Variants in DLG2 observed in about 807,000 individuals in gnomAD.
DLG2 encodes discs large MAGUK scaffold protein 2, also known as disks large homolog 2.
Under a neutral mutation model 132.5 loss-of-function variants are expected in DLG2, and 45 were observed. The observed-to-expected ratio is 0.34, with a 90% CI of 0.27 to 0.44. The LOEUF (loss-of-function observed/expected upper bound fraction) is 0.44. Among genes scored for constraint, DLG2 ranks in the 20% least tolerant of loss-of-function variants. DLG2 has a pLI of 1.00. For synonymous variants in DLG2, 424 were observed against 419.6 expected (o/e 1.01, Z -0.13); for missense variants, 1,045 against 1,196.9 (o/e 0.87, Z 1.87).
At chr11:84,343,805 T>C (rs1458283763) in intron 7 of DLG2, among the ~76,000 whole-genome samples, 3 of 152,212 alleles carry the variant, frequency 2.0e-5, no homozygotes, top group Non-Finnish European at 1.5e-5. Context: ...TTATTTAAAA[T>C]AGCCTAAAAT....
At chr11:85,148,960 T>C (rs911196141) in intron 5 of DLG2, among the ~76,000 whole-genome samples, 1 of 152,248 alleles carries the variant, frequency 6.6e-6, no homozygotes, top group Non-Finnish European at 1.5e-5. Flanking sequence ...TTCAGTTTTC[T>C]GCCTATAGCT....
intron 21 of DLG2, 148 bp from the exon 22 acceptor site, chr11:83,484,376 G>A (rs755284203): frequency 3.1e-5 from 19 of 606,638 alleles, no homozygotes; most frequent in Non-Finnish European, 5.1e-5. Context: ...AGTTCTAAAG[G>A]TCGATTTTAT....
At chr11:85,369,970 T>G (rs1030569734) in intron 3 of DLG2, among the ~76,000 whole-genome samples, 8 of 152,220 alleles carry the variant, frequency 5.3e-5, no homozygotes, top group Admixed American at 5.2e-4. Context: ...TGGTAAAATG[T>G]AGATGTCATT....
At chr11:83,822,504 G>T (rs1460001428) in intron 17 of DLG2, among the ~76,000 whole-genome samples, 2 of 152,154 alleles carry the variant, frequency 1.3e-5, no homozygotes, top group East Asian at 1.9e-4. Context: ...AGAGAAGCTG[G>T]AGGGGGCAGC....
At chr11:85,338,718 T>G (rs2082288628) in intron 3 of DLG2, among the ~76,000 whole-genome samples, 1 of 147,862 alleles carries the variant, frequency 6.8e-6, no homozygotes, top group South Asian at 2.2e-4. Flanking sequence ...TTTTTTTTTT[T>G]TTTTTGAGAC....
At chr11:83,974,312 T>A (rs76391890) in intron 12 of DLG2, among the ~76,000 whole-genome samples, 1 of 152,188 alleles carries the variant, frequency 6.6e-6, no homozygotes, top group East Asian at 1.9e-4. Context: ...TCATCACAAC[T>A]AATACTCATT....
At chr11:83,778,673 G>T (rs2094686447) in intron 18 of DLG2, among the ~76,000 whole-genome samples, 1 of 152,016 alleles carries the variant, frequency 6.6e-6, no homozygotes, top group East Asian at 1.9e-4. Flanking sequence ...TCTAATTTAG[G>T]AGTTAGGAAG....
chr11:84,393,720 T>C (rs143421782), intron 7 of DLG2, among the ~76,000 whole-genome samples: 2,331 of 152,304 alleles, frequency 0.015, 39 homozygotes, highest in South Asian at 0.065. Context: ...GATGACTTTT[T>C]AAAATTATAT....
chr11:84,946,986 A>G (rs781296875), intron 6 of DLG2, among the ~76,000 whole-genome samples: 1 of 152,108 alleles, frequency 6.6e-6, no homozygotes, highest in Non-Finnish European at 1.5e-5. Context: ...GCTTTCCATT[A>G]TTATAGGACA....
At chr11:84,720,299 G>C in intron 6 of DLG2, 1 of 985,452 alleles carries the variant, frequency 1.0e-6, no homozygotes, top group Non-Finnish European at 1.2e-6. Flanking sequence ...TTCCTACCTT[G>C]CATCCAAACA....
At chr11:84,631,012 TCTCTCTCACACACACACA>T (rs1292632981) in intron 6 of DLG2, among the ~76,000 whole-genome samples, 1 of 129,466 alleles carries the variant, frequency 7.7e-6, no homozygotes, top group African/African-American at 3.3e-5. Context: ...TCTCTCTCTC[TCTCTCTCACACACACACA>T]CACACACACA....
intron 3 of DLG2, among the ~76,000 whole-genome samples, chr11:85,373,846 T>C (rs1447246186): frequency 6.6e-6 from 1 of 152,332 alleles, no homozygotes; most frequent in South Asian, 2.1e-4. Flanking sequence ...TGCAACATAA[T>C]GACTGGTCAA....
At chr11:83,522,813 CCCT>C (rs57608379) in intron 21 of DLG2, among the ~76,000 whole-genome samples, 23,279 of 143,492 alleles carry the variant, frequency 0.16, 2,043 homozygotes, top group African/African-American at 0.2. Flanking sequence ...AGCCCCCCCC[CCCT>C]TTTTTTTTTA....
At chr11:84,940,787 CA>C (rs2049315747) in intron 6 of DLG2, among the ~76,000 whole-genome samples, 1 of 152,108 alleles carries the variant, frequency 6.6e-6, no homozygotes, top group Non-Finnish European at 1.5e-5. Context: ...AGATATTACT[CA>C]AAAAATTATT....
chr11:84,858,947 C>CTAA (rs2083176774), intron 6 of DLG2, among the ~76,000 whole-genome samples: 1 of 152,002 alleles, frequency 6.6e-6, no homozygotes, highest in Non-Finnish European at 1.5e-5. Flanking sequence ...GTCTAAATCA[C>CTAA]ATTTCAGGCA....
Position 84,697,932 on chromosome 11 carries a change from A to G in DLG2, c.358-163201T>C, listed in dbSNP as rs1051921226. 1.3e-4 allele frequency among the ~76,000 whole-genome samples: 19 copies of G among 151,662 alleles called. No individual in the cohort carries two copies. The East Asian group carries it at 2.1e-3, about 17-fold the overall frequency. On this transcript the variant is annotated intron_variant, in intron 6 of 27. Coordinates refer to ENST00000376104, the MANE Select transcript of DLG2 (RefSeq NM_001142699.3). ...ACAATAAAAAGTAATGTGTTTAGTC[A>G]TGACACCTTTTGAAAAAAACACAGC...
chr11:84,167,791 C>A (rs2095705452), intron 8 of DLG2, among the ~76,000 whole-genome samples: 1 of 152,080 alleles, frequency 6.6e-6, no homozygotes, highest in Non-Finnish European at 1.5e-5. Flanking sequence ...CTCAGCCTCC[C>A]AAGTAGCTGA....
At position 83,525,862 on chromosome 11, in the gene DLG2, T is replaced by C. The variant is rs1049734786; in HGVS notation, c.2193+6846A>G. On this transcript the variant is annotated intron_variant, in intron 21 of 27. Coordinates refer to ENST00000376104, the MANE Select transcript of DLG2 (RefSeq NM_001142699.3). ...AATCAATCCCTATAACTCACTCTGG[T>C]GAAGCAAATAAAATTCCCATCTTGC... 1.8e-4 allele frequency among the ~76,000 whole-genome samples: 28 copies of C among 152,308 alleles called. 1 individual carries two copies. Among genetic ancestry groups the C allele is most frequent in the African/African-American group, 5.3e-4 (22 of 41,566 alleles).
chr11:85,574,577 G>T (rs2078043731), intron 3 of DLG2, among the ~76,000 whole-genome samples: 1 of 152,178 alleles, frequency 6.6e-6, no homozygotes, highest in Admixed American at 6.6e-5. Context: ...TGGGAGGTAG[G>T]GCCTAGTGGA....
Sources: allele counts gnomAD v4.1 joint callset (sites outside exome capture counted in the v4.1 genomes callset), GRCh38; gene constraint gnomAD v4.1.1; transcripts MANE v1.5; gene names NCBI Gene and HGNC (gene_info 2026-07-23, HGNC 2026-07-21).